The following SCUBE2 variants were observed in gnomAD, a reference collection of about 807,000 sequenced individuals.
SCUBE2 encodes the protein signal peptide, CUB domain and EGF like domain containing 2, also known as signal peptide, CUB and EGF-like domain-containing protein 2.
In SCUBE2, 114 loss-of-function variants were observed where a neutral mutation model predicts 125.9. The ratio of observed to expected loss-of-function variants is 0.91; its 90% CI spans 0.78 to 1.06. The LOEUF is 1.06. SCUBE2 is among the 50% of genes least tolerant of loss of function. SCUBE2 has a pLI of 0.00. For missense variants in SCUBE2, 1,255 were observed against 1,301.8 expected (o/e 0.96, Z 0.55); for synonymous variants, 459 against 492.9 (o/e 0.93, Z 0.91).
chr11:9,048,203 C>T (rs1176916763), intron 14 of SCUBE2, 105 bp from the exon 15 acceptor site: 1 of 1,133,676 alleles, frequency 8.8e-7, no homozygotes, highest in African/African-American at 1.5e-5. Context: ...TCTCAAGGGA[C>T]TAAGTGATTA....
chr11:9,047,015 C>G (rs1449584044), intron 16 of SCUBE2, among the ~76,000 whole-genome samples: 1 of 152,212 alleles, frequency 6.6e-6, no homozygotes, highest in Non-Finnish European at 1.5e-5. Context: ...TACTGAAATT[C>G]ACCCTGCTTG....
At chr11:9,026,087 A>C (rs561727118) in intron 20 of SCUBE2, 12 of 474,900 alleles carry the variant, frequency 2.5e-5, no homozygotes, top group African/African-American at 2.3e-4. Context: ...GGCAAGCAGC[A>C]GCAGCCCAGG....
chr11:9,068,043 G>A (rs542435305), intron 5 of SCUBE2, among the ~76,000 whole-genome samples: 18 of 152,284 alleles, frequency 1.2e-4, no homozygotes, highest in Admixed American at 4.6e-4. Flanking sequence ...GGCCCTAAGA[G>A]CATGTCAGAA....
intron 16 of SCUBE2, among the ~76,000 whole-genome samples, chr11:9,041,248 TAGAG>T (rs967241514): frequency 2.0e-5 from 3 of 151,356 alleles, no homozygotes; most frequent in African/African-American, 4.9e-5. Context: ...ATATTTTACT[TAGAG>T]GGAGAGAGAA....
At chr11:9,055,707 A>G in intron 10 of SCUBE2, 86 bp downstream of exon 10, 2 of 981,596 alleles carry the variant, frequency 2.0e-6, no homozygotes, top group South Asian at 1.3e-5. Flanking sequence ...ACCCCAATGT[A>G]GGAAAGCAAA....
rs1174774188 is a variant in SCUBE2, at chr11:9,054,725, A to ATTTT, written c.1208-970_1208-967dup. ...TGTATATATATATATATATATATAT[A>ATTTT]TTTTTTTTTTTTTTTTTTTTTTTTT... On this transcript the variant is annotated intron_variant, in intron 10 of 22. Transcript: ENST00000649792. 1.8e-3 allele frequency among the ~76,000 whole-genome samples: 41 copies of ATTTT among 22,348 alleles called. 3 individuals carry two copies. The highest frequency in any genetic ancestry group is 6.3e-3 in the East Asian group (2 of 316). 14.7% of individuals were successfully genotyped at this position (22,348 alleles called of 152,430 possible).
At chr11:9,070,816 G>A (rs573622481) in intron 4 of SCUBE2, among the ~76,000 whole-genome samples, 4 of 152,180 alleles carry the variant, frequency 2.6e-5, no homozygotes, top group African/African-American at 4.8e-5. Context: ...CAGTGCAAGG[G>A]TTAATATATC....
intron 16 of SCUBE2, among the ~76,000 whole-genome samples, chr11:9,044,817 C>G (rs552864655): frequency 2.6e-5 from 4 of 152,296 alleles, no homozygotes; most frequent in African/African-American, 9.6e-5. Context: ...GCCTGAAACT[C>G]TCTTCCCCCA....
At chr11:9,041,442 G>T (rs2135307125) in intron 16 of SCUBE2, among the ~76,000 whole-genome samples, 1 of 152,296 alleles carries the variant, frequency 6.6e-6, no homozygotes, top group South Asian at 2.1e-4. Context: ...TCAGAAAGTA[G>T]GGGAGGAACC....
intron 2 of SCUBE2, among the ~76,000 whole-genome samples, chr11:9,082,442 C>A (rs1379425170): frequency 6.6e-6 from 1 of 152,006 alleles, no homozygotes; most frequent in Non-Finnish European, 1.5e-5. Context: ...AACACAAATA[C>A]AACATATGAC....
chr11:9,053,611 TG>T, intron 11 of SCUBE2, 25 bp downstream of exon 11: 1 of 1,611,780 alleles, frequency 6.2e-7, no homozygotes, highest in South Asian at 1.1e-5. Context: ...GCCTGCTGTC[TG>T]AGTCTGTGCC....
At chr11:9,033,903 C>T (rs938044178) in intron 16 of SCUBE2, 107 bp from the exon 17 acceptor site, 34 of 1,097,810 alleles carry the variant, frequency 3.1e-5, no homozygotes, top group South Asian at 2.8e-4. Context: ...ACACCACCCA[C>T]GGCATGCAAA....
In SCUBE2 at chr11:9,052,665, A is replaced by G. The variant is rs992046239; in HGVS notation, c.1534+81T>C. ...AATTAACAGAAAAAAAACAAAGCCA[A>G]TGTCCAAGAACAGCACCCCGTGAAT... On this transcript the variant is annotated intron_variant, in intron 13 of 22. Transcript: ENST00000649792. 14 of 1,050,192 alleles carry G rather than the reference A, an allele frequency of 1.3e-5. 1 individual carries two copies. Among genetic ancestry groups the G allele is most frequent in the African/African-American group, 1.3e-4 (8 of 62,298 alleles). The allele number at this position is 1,050,192 out of a possible 1,614,324, so 65.1% of individuals were successfully genotyped here.
At chr11:9,078,666 C>T (rs200982691) in intron 3 of SCUBE2, among the ~76,000 whole-genome samples, 3 of 152,202 alleles carry the variant, frequency 2.0e-5, no homozygotes, top group Non-Finnish European at 4.4e-5. Context: ...TGTCAAAGGA[C>T]GCTGATGCCA....
rs1389668956 is a variant in SCUBE2, at chr11:9,059,288, G to A, written c.1090+15C>T. On this transcript the variant is annotated intron_variant, in intron 9 of 22. Transcript: ENST00000649792. ...GTGGGCCATTGCGCAGCACAGCTAT[G>A]TTTTCAGCACATACCTTGGCAAGAC... The A allele has an allele frequency of 4.3e-6, 7 of 1,613,234 alleles. No individual in the cohort carries two copies. The African/African-American group carries it at 6.7e-5, about 15-fold the overall frequency.
intron 16 of SCUBE2, among the ~76,000 whole-genome samples, chr11:9,046,779 T>TAGAC (rs1857822628): frequency 6.6e-6 from 1 of 152,234 alleles, no homozygotes; most frequent in Non-Finnish European, 1.5e-5. Context: ...CAGCCTCTTG[T>TAGAC]AGACAGTTAC....
Position 9,025,714 on chromosome 11 carries a change from C to T in SCUBE2, c.2842G>A (p.Val948Met), listed in dbSNP as rs200624668. 1.6e-4 allele frequency: 252 copies of T among 1,614,002 alleles called. No individual in the cohort carries two copies. The highest frequency in any genetic ancestry group is 1.6e-4 in the Middle Eastern group (1 of 6,082). Residue 948 changes from valine (V) to methionine (M), a missense_variant, in exon 21 of 23, where the codon GTG becomes ATG. Val to Met is a conservative substitution (Grantham distance 21). Coordinates refer to ENST00000649792, the MANE Select transcript of SCUBE2 (RefSeq NM_001367977.2). ...NSARGFQVPY[V>M]TYDEDYQELI... ...AGGCTGTGCTTACCATCATATGTCA[C>T]GTATGGGACCTGGAACCCTCTAGCG...
At chr11:9,028,407 C>T (rs144607195) in intron 19 of SCUBE2, among the ~76,000 whole-genome samples, 24 of 152,296 alleles carry the variant, frequency 1.6e-4, no homozygotes, top group Non-Finnish European at 3.1e-4. Flanking sequence ...TGGATACCTA[C>T]GTCTGGCACC....
Position 9,047,432 on chromosome 11 carries a change from A to G in SCUBE2, c.1926T>C (p.Ala642=), listed in dbSNP as rs72550808. The change falls in exon 16 of 23, where the codon GCT becomes GCC. Residue 642 remains alanine, a synonymous_variant. Transcript: ENST00000649792. ...LQLSGMNLDV[A]KKPPRTSERQ... ...GTTCAGATGTTCTGGGAGGCTTTTT[A>G]GCCACGTCGAGGTTCATGCCTGAGA... 47,819 of 1,613,972 alleles carry G rather than the reference A, an allele frequency of 0.03. 832 individuals are homozygous for G. Among genetic ancestry groups the G allele is most frequent in the Non-Finnish European group, 0.035 (41,587 of 1,180,016 alleles).
Sources: gnomAD v4.1 joint callset for allele counts (sites outside exome capture counted in the v4.1 genomes callset) on GRCh38, gnomAD v4.1.1 for gene constraint, MANE v1.5 for transcripts, NCBI Gene and HGNC (gene_info 2026-07-23, HGNC 2026-07-21) for gene names.